Variants in CTSD observed in about 807,000 individuals in gnomAD.
CTSD encodes the protein ceroid-lipofuscinosis, neuronal 10.
In CTSD, 28 loss-of-function variants were observed where a neutral mutation model predicts 43.6. The ratio of observed to expected loss-of-function variants is 0.64; its 90% confidence interval spans 0.48 to 0.88. The LOEUF is 0.88. CTSD is among the 40% of genes least tolerant of loss of function. The pLI, the probability that CTSD is intolerant of heterozygous loss-of-function variation, is 0.00. For synonymous variants in CTSD, 270 were observed against 249.8 expected (o/e 1.08, Z -0.76); for missense variants, 485 against 555.2 (o/e 0.87, Z 1.27).
chr11:1,763,182 G>A (rs1228427226), intron 1 of CTSD: 1 of 152,538 alleles, frequency 6.6e-6, no homozygotes, highest in Non-Finnish European at 1.5e-5. Context: ...GGCCTGAGGA[G>A]CGTGTGGGCC....
chr11:1,754,524 A>AGGGGTTGT (rs144802854), intron 6 of CTSD, among the ~76,000 whole-genome samples: 1 of 14,058 alleles, frequency 7.1e-5, no homozygotes, highest in East Asian at 3.4e-3. Flanking sequence ...GGAGGGATGG[A>AGGGGTTGT]GGGGATGGAG....
rs1554962370 is a variant in CTSD at position 1,754,525 on chromosome 11, G to GGGGATGTGGGGATGGA, written c.827+380_827+381insTCCATCCCCACATCCC. ...GGGGATGGAGGGATGGAGGGATGGA[G>GGGGATGTGGGGATGGA]GGGATGGAGGGATGGAGGGATGGAG... On this transcript the variant is annotated intron_variant, in intron 6 of 8. Coordinates refer to ENST00000236671, the MANE Select transcript of CTSD (RefSeq NM_001909.5). Among the ~76,000 whole-genome samples, 86 of 33,658 alleles carry GGGGATGTGGGGATGGA rather than the reference G, an allele frequency of 2.6e-3. 2 individuals carry two copies. The highest frequency in any genetic ancestry group is 7.5e-3 in the African/African-American group (81 of 10,778). The allele number at this position is 33,658 out of a possible 152,430, so 22.1% of individuals were successfully genotyped here. A position where few individuals can be genotyped will look rare whatever the true frequency, so the allele number is the denominator to read the frequency against.
At position 1,761,168 on chromosome 11, in the gene CTSD, G is replaced by C. The variant is rs1845870923; in HGVS notation, c.228+141C>G. ...CCAGAATGGGGAAGAAAGGAGTGTG[G>C]CTGAGCCGGGACGCCACCGTGGCCA... On this transcript the variant is annotated intron_variant, in intron 2 of 8. Coordinates refer to ENST00000236671, the MANE Select transcript of CTSD (RefSeq NM_001909.5). 9.3e-6 allele frequency: 8 copies of C among 856,708 alleles called. No homozygotes were observed. In the South Asian group the frequency reaches 1.1e-4, roughly 12 times the overall value. The allele number at this position is 856,708 out of a possible 1,614,324, so 53.1% of individuals were successfully genotyped here.
chr11:1,757,980 T>G, intron 4 of CTSD: 1 of 277,504 alleles, frequency 3.6e-6, no homozygotes, highest in East Asian at 9.7e-5. Flanking sequence ...TACTGCCCCC[T>G]TCCCCTTCTC....
chr11:1,763,629 TG>T (rs1845910542), intron 1 of CTSD, 162 bp downstream of exon 1: 1 of 619,202 alleles, frequency 1.6e-6, no homozygotes, highest in Non-Finnish European at 2.6e-6. Context: ...CGTAGGCGGG[TG>T]GTCCGTGCAG....
At chr11:1,762,585 G>C (rs1333559744) in intron 1 of CTSD, 1 of 152,216 alleles carries the variant, frequency 6.6e-6, no homozygotes, top group African/African-American at 2.4e-5. Context: ...TCCAGGTTTT[G>C]TCCTGGGGGA....
chr11:1,759,603 G>A lies in CTSD; in HGVS notation c.265C>T (p.Pro89Ser). 1 of 1,613,524 alleles carries A rather than the reference G, an allele frequency of 6.2e-7. No homozygotes were observed. The highest frequency in any genetic ancestry group is 8.5e-7 in the Non-Finnish European group (1 of 1,179,966). ...TCGAAGACGACTGTGAAGCACTGGG[G>A]GGGCGTCCCGATGCCAATCTCCCCG... Reference protein sequence around the residue: ...YYGEIGIGTPPQCFTVVFDTG... With the variant: ...YYGEIGIGTPSQCFTVVFDTG... The change falls in exon 3 of 9, where the codon CCC becomes TCC. Residue 89 changes from proline to serine, a missense_variant. By Grantham distance (74) the Pro-to-Ser change is moderately conservative (BLOSUM62 -1). Coordinates refer to ENST00000236671, the MANE Select transcript of CTSD (RefSeq NM_001909.5).
chr11:1,758,093 G>C (rs1257721448), intron 4 of CTSD: 1 of 213,442 alleles, frequency 4.7e-6, no homozygotes, highest in Non-Finnish European at 9.6e-6. Flanking sequence ...ACGGGGCGGA[G>C]GGGGCAGAAG....
chr11:1,760,809 T>C (rs530691567), intron 2 of CTSD: 26 of 211,266 alleles, frequency 1.2e-4, no homozygotes, highest in African/African-American at 5.0e-4. Context: ...ACTGACCCCA[T>C]AGAGCTGGGA....
At chr11:1,761,033 A>G (rs1030968644) in intron 2 of CTSD, 5 of 492,888 alleles carry the variant, frequency 1.0e-5, no homozygotes, top group South Asian at 2.0e-5. Context: ...AGGCCCAAGG[A>G]CCGCCCCCTC....
At chr11:1,754,530 T>TGTGC (rs761787396) in intron 6 of CTSD, among the ~76,000 whole-genome samples, 1 of 14,434 alleles carries the variant, frequency 6.9e-5, no homozygotes, top group Non-Finnish European at 1.3e-4. Flanking sequence ...ATGGAGGGGA[T>TGTGC]GGAGGGATGG....
At chr11:1,763,510 A>G in intron 1 of CTSD, 1 of 426,782 alleles carries the variant, frequency 2.3e-6, no homozygotes. Context: ...GTCTCCAGGG[A>G]GGCTGCGGTC....
chr11:1,760,275 C>T (rs532087878), intron 2 of CTSD: 3 of 152,674 alleles, frequency 2.0e-5, no homozygotes, highest in Admixed American at 6.5e-5. Context: ...GGATAGCAGG[C>T]GCAGGTGGGG....
intron 1 of CTSD, 118 bp downstream of exon 1, chr11:1,763,674 C>A (rs1454938594): frequency 4.0e-6 from 4 of 1,007,062 alleles, no homozygotes; most frequent in Admixed American, 3.0e-5. Flanking sequence ...TGCATTCCAG[C>A]GCGGGGGGCG....
intron 2 of CTSD, among the ~76,000 whole-genome samples, chr11:1,760,005 G>T (rs185961369): frequency 4.3e-4 from 65 of 152,346 alleles, no homozygotes; most frequent in African/African-American, 1.5e-3. Context: ...AGGAAAGCCC[G>T]GCCTGGAAGA....
At chr11:1,763,306 G>A (rs1565024132) in intron 1 of CTSD, among the ~76,000 whole-genome samples, 1 of 152,204 alleles carries the variant, frequency 6.6e-6, no homozygotes, top group Admixed American at 6.5e-5. Flanking sequence ...CCAGCCCAGG[G>A]CCTGTGATAA....
intron 6 of CTSD, chr11:1,754,359 GAGGGATGGA>G: frequency 1.7e-6 from 1 of 586,808 alleles, no homozygotes; most frequent in African/African-American, 1.9e-5. Context: ...GAGGGGCATG[GAGGGATGGA>G]GGGGATGGAG....
At position 1,759,106 on chromosome 11, in the gene CTSD, G is replaced by C; in HGVS notation, c.353-19C>G. On this transcript the variant is annotated intron_variant, in intron 3 of 8. Coordinates refer to ENST00000236671, the MANE Select transcript of CTSD (RefSeq NM_001909.5). Reference sequence around the variant, plus strand: ...TGGATCCCTGCCCCGGGCGACAAGGGGGCCCGCCGGTCATCCCGCAGCCCA... The same window carrying C: ...TGGATCCCTGCCCCGGGCGACAAGGCGGCCCGCCGGTCATCCCGCAGCCCA... 1 of 1,565,574 alleles carries C rather than the reference G, an allele frequency of 6.4e-7. No homozygotes were observed. Among genetic ancestry groups the C allele is most frequent in the South Asian group, 1.1e-5 (1 of 90,098 alleles).
rs765598754 is a variant in CTSD, at chr11:1,753,467, C to T, written c.*36G>A. ...AGGGGCCTCCTGCTCTGGGACTCTC[C>T]TCTGTTTCTGTGCTGGCGCGCGGAC... On this transcript the variant is annotated 3_prime_UTR_variant, in exon 9 of 9. Coordinates refer to ENST00000236671, the MANE Select transcript of CTSD (RefSeq NM_001909.5). 4.0e-5 allele frequency: 64 copies of T among 1,612,396 alleles called. No homozygotes were observed. Among genetic ancestry groups the T allele is most frequent in the Middle Eastern group, 1.6e-4 (1 of 6,084 alleles).
Sources: gnomAD v4.1 joint callset for allele counts (sites outside exome capture counted in the v4.1 genomes callset) on GRCh38, gnomAD v4.1.1 for gene constraint, MANE v1.5 for transcripts, NCBI Gene and HGNC (gene_info 2026-07-23, HGNC 2026-07-21) for gene names.